Variants in ASH1L observed in about 807,000 individuals in gnomAD.
The protein encoded by ASH1L is histone-lysine N-methyltransferase ASH1L.
In ASH1L, 23 loss-of-function variants were observed where a neutral mutation model predicts 269.0. That is an observed-to-expected ratio of 0.09 (90% CI 0.06 to 0.12). The LOEUF is 0.12. ASH1L is among the 10% of genes least tolerant of loss of function. The pLI, the probability that ASH1L is intolerant of heterozygous loss-of-function variation, is 1.00. For missense variants in ASH1L, 2,912 were observed against 3,567.8 expected (o/e 0.82, Z 4.68); for synonymous variants, 1,187 against 1,253.5 (o/e 0.95, Z 1.12).
At chr1:155,386,046 G>A (rs1244402988) in intron 7 of ASH1L, among the ~76,000 whole-genome samples, 1 of 151,964 alleles carries the variant, frequency 6.6e-6, no homozygotes, top group Non-Finnish European at 1.5e-5. Context: ...CTTTTGAGAA[G>A]TGTCTGTTCA....
chr1:155,388,247 A>G (rs1443699853), intron 7 of ASH1L, among the ~76,000 whole-genome samples: 1 of 152,172 alleles, frequency 6.6e-6, no homozygotes, highest in African/African-American at 2.4e-5. Flanking sequence ...CTTATATAGT[A>G]ACTGCTGCCA....
At position 155,521,542 on chromosome 1, in the gene ASH1L, G is replaced by A; in HGVS notation, c.-23C>T. The A allele has an allele frequency of 6.4e-7, 1 of 1,568,796 alleles. No homozygotes were observed. On this transcript the variant is annotated 5_prime_UTR_variant, in exon 2 of 28. Coordinates refer to ENST00000392403, the MANE Select transcript of ASH1L (RefSeq NM_018489.3). ...CATCACAAGCGTATGTTATTGCCAAGGAATCTTATGAAAATTTTACAGAAC... is the reference window on the plus strand; with the variant it reads ...CATCACAAGCGTATGTTATTGCCAAAGAATCTTATGAAAATTTTACAGAAC...
rs1665943781 is a variant in ASH1L, at chr1:155,481,304, CTGCTTTTCA to C, written c.1557_1565del (p.His519_Lys521del). The C allele has an allele frequency of 6.2e-7, 1 of 1,614,040 alleles. No homozygotes were observed. The highest frequency in any genetic ancestry group is 1.1e-5 in the South Asian group (1 of 91,090). On this transcript the variant is annotated inframe_deletion, in exon 3 of 28. Coordinates refer to ENST00000392403, the MANE Select transcript of ASH1L (RefSeq NM_018489.3). ...CCGGAGAAGTGCAATATACAGGAGGCTGCTTTTCATGCTTTGAGGTTTCATAAGATCCCT... is the reference window on the plus strand; with the variant it reads ...CCGGAGAAGTGCAATATACAGGAGGCTGCTTTGAGGTTTCATAAGATCCCT...
chr1:155,439,929 T>A (rs1662410259), intron 4 of ASH1L, among the ~76,000 whole-genome samples: 1 of 151,784 alleles, frequency 6.6e-6, no homozygotes, highest in Admixed American at 6.6e-5. Context: ...TCAAATAATA[T>A]CCAATAGCCT....
intron 1 of ASH1L, among the ~76,000 whole-genome samples, chr1:155,552,953 C>A (rs561606592): frequency 6.6e-6 from 1 of 152,254 alleles, no homozygotes; most frequent in South Asian, 2.1e-4. Context: ...TTATACATAT[C>A]ATCTCGTAGA....
chr1:155,468,690 T>C (rs1376618400), intron 3 of ASH1L, among the ~76,000 whole-genome samples: 3 of 152,144 alleles, frequency 2.0e-5, no homozygotes, highest in African/African-American at 7.2e-5. Context: ...AATATTGCAA[T>C]ACCTATTATA....
intron 1 of ASH1L, among the ~76,000 whole-genome samples, chr1:155,547,246 G>T (rs1365667914): frequency 4.6e-5 from 7 of 150,682 alleles, no homozygotes; most frequent in Non-Finnish European, 1.0e-4. Flanking sequence ...TATTCTTAAT[G>T]AGGGCCATGA....
At chr1:155,492,100 A>G (rs994051689) in intron 2 of ASH1L, among the ~76,000 whole-genome samples, 8 of 147,644 alleles carry the variant, frequency 5.4e-5, no homozygotes, top group African/African-American at 2.0e-4. Context: ...CAATGGTGCA[A>G]TCTTGGCTCA....
At chr1:155,475,804 T>C (rs990397284) in intron 3 of ASH1L, among the ~76,000 whole-genome samples, 2 of 152,206 alleles carry the variant, frequency 1.3e-5, no homozygotes, top group Non-Finnish European at 2.9e-5. Flanking sequence ...TAGGATCACC[T>C]TCTCAGGAAA....
At chr1:155,553,743 G>C (rs1041224657) in intron 1 of ASH1L, among the ~76,000 whole-genome samples, 3 of 151,670 alleles carry the variant, frequency 2.0e-5, no homozygotes, top group African/African-American at 7.3e-5. Context: ...GTTAACATAG[G>C]CAAATGTATT....
Position 155,395,452 on chromosome 1 carries a change from T to C in ASH1L, c.6103+7A>G. On this transcript the variant is annotated splice_region_variant and intron_variant, in intron 7 of 27. Transcript: ENST00000392403. ...TCAGCAATACATTGTGTGGACTCGG[T>C]ACTTACCAACATGAATGGGCGCTGG... The C allele has an allele frequency of 3.1e-6, 5 of 1,593,752 alleles. No individual in the cohort carries two copies. The highest frequency in any genetic ancestry group is 4.3e-6 in the Non-Finnish European group (5 of 1,169,576).
intron 4 of ASH1L, among the ~76,000 whole-genome samples, chr1:155,441,304 A>G (rs887352807): frequency 7.6e-6 from 1 of 132,292 alleles, no homozygotes; most frequent in African/African-American, 2.9e-5. Flanking sequence ...TCCACCCCCC[A>G]CTCCCACCCC....
At chr1:155,561,671 T>C (rs926585203) in intron 1 of ASH1L, among the ~76,000 whole-genome samples, 2 of 151,950 alleles carry the variant, frequency 1.3e-5, no homozygotes, top group African/African-American at 4.8e-5. Context: ...TCTTTCCATG[T>C]ACAAACTAAC....
chr1:155,413,734 A>C (rs921456587), intron 6 of ASH1L, among the ~76,000 whole-genome samples: 1 of 152,108 alleles, frequency 6.6e-6, no homozygotes, highest in Admixed American at 6.5e-5. Context: ...GAATCTTAGG[A>C]ATGCATAATT....
chr1:155,409,085 C>T (rs1313582673), intron 6 of ASH1L, among the ~76,000 whole-genome samples: 5 of 151,754 alleles, frequency 3.3e-5, no homozygotes, highest in Non-Finnish European at 5.9e-5. Flanking sequence ...AGTTCAGTGG[C>T]GCAATCTCAG....
In ASH1L at chr1:155,562,579, G is replaced by T; in HGVS notation, c.-526C>A. 1 of 1,528,956 alleles carries T rather than the reference G, an allele frequency of 6.5e-7. No individual in the cohort carries two copies. The highest frequency in any genetic ancestry group is 8.8e-7 in the Non-Finnish European group (1 of 1,141,418). 94.7% of individuals were successfully genotyped at this position (1,528,956 alleles called of 1,614,324 possible). ...ACCGTCCCCCGCTCCGCCCGACTCC[G>T]TCCGCGTAGCGCGCACGCCCGCCCG... On this transcript the variant is annotated 5_prime_UTR_variant, in exon 1 of 28. Transcript: ENST00000392403.
chr1:155,492,916 C>G (rs142526672), intron 2 of ASH1L, among the ~76,000 whole-genome samples: 1 of 152,082 alleles, frequency 6.6e-6, no homozygotes, highest in Admixed American at 6.6e-5. Flanking sequence ...TTTGCCCCCC[C>G]AAGCTCTAGC....
At chr1:155,422,929 G>A (rs1288516040) in intron 5 of ASH1L, among the ~76,000 whole-genome samples, 3 of 150,324 alleles carry the variant, frequency 2.0e-5, no homozygotes, top group Non-Finnish European at 3.0e-5. Flanking sequence ...GATTACAGGC[G>A]TGAGCCATTG....
chr1:155,365,694 A>G (rs781699148), intron 12 of ASH1L, among the ~76,000 whole-genome samples: 7 of 152,142 alleles, frequency 4.6e-5, no homozygotes, highest in East Asian at 3.9e-4. Flanking sequence ...AAGGAACCAA[A>G]CTTGGCTTAG....
Sources: allele counts gnomAD v4.1 joint callset (sites outside exome capture counted in the v4.1 genomes callset), GRCh38; gene constraint gnomAD v4.1.1; transcripts MANE v1.5; gene names NCBI Gene and HGNC (gene_info 2026-07-23, HGNC 2026-07-21).